The following KCNH2 variants were observed in gnomAD, a reference collection of about 807,000 sequenced individuals.
KCNH2 encodes the protein potassium voltage-gated channel subfamily H member 2.
A neutral mutation model predicts 95.9 loss-of-function variants in KCNH2; 35 were observed. The observed-to-expected ratio is 0.37, with a 90% CI of 0.28 to 0.48. The LOEUF (loss-of-function observed/expected upper bound fraction) is 0.48. Among genes scored for constraint, KCNH2 ranks in the 20% least tolerant of loss-of-function variants. KCNH2 has a pLI of 0.99. For missense variants in KCNH2, 1,274 were observed against 1,702.9 expected, an observed-to-expected ratio of 0.75 and a Z score of 4.43; for synonymous variants, 786 against 754.7, an observed-to-expected ratio of 1.04 and a Z score of -0.68.
chr7:150,955,794 C>T lies in KCNH2; in HGVS notation c.1128+1497G>A, dbSNP rs141096923. 6.2e-3 allele frequency: 7,271 copies of T among 1,167,854 alleles called. 328 individuals are homozygous for T. The African/African-American group carries it at 0.096, about 15-fold the overall frequency. 72.3% of individuals were successfully genotyped at this position (1,167,854 alleles called of 1,614,324 possible). ...CTCTGCCCGCCCGCCAGCCCAGCAG[C>T]GGCCGCACTCGGAACCTCAGCTCCT... is the stretch of plus-strand genomic sequence containing the variant. On this transcript the variant is annotated intron_variant, in intron 5 of 14. Transcript: ENST00000262186.
Position 150,958,141 on chromosome 7 carries a change from G to T in KCNH2, c.834C>A (p.Ser278Arg). ...ARTRSRESCASVRRASSADDI... is the reference protein window; with the variant it reads ...ARTRSRESCARVRRASSADDI... ...CGTCGGCCGACGAGGCGCGGCGCACGCTGGCGCAGCTTTCTCGGGAGCGCG... is the reference window on the plus strand; with the variant it reads ...CGTCGGCCGACGAGGCGCGGCGCACTCTGGCGCAGCTTTCTCGGGAGCGCG... The change falls in exon 4 of 15, where the codon AGC (serine) becomes AGA (arginine). Residue 278 changes from serine to arginine, a missense_variant. This residue lies in a region of KCNH2 where 392 missense variants were observed against 429.9 expected (regional missense o/e 0.91). Transcript: ENST00000262186. The T allele has an allele frequency of 7.6e-7, 1 of 1,320,352 alleles. No individual in the cohort carries two copies. Among genetic ancestry groups the T allele is most frequent in the South Asian group, 2.2e-5 (1 of 46,422 alleles). 81.8% of individuals were successfully genotyped at this position (1,320,352 alleles called of 1,614,324 possible).
At position 150,947,340 on chromosome 7, in the gene KCNH2, C is replaced by T. The variant is rs36210421; in HGVS notation, c.3140G>A (p.Arg1047His). 23 of 1,542,334 alleles carry T rather than the reference C, an allele frequency of 1.5e-5. No homozygotes were observed. Among genetic ancestry groups the T allele is most frequent in the African/African-American group, 6.8e-5 (5 of 73,016 alleles). Residue 1047 changes from arginine (R) to histidine (H), a missense_variant, in exon 13 of 15, where the codon CGC (arginine) becomes CAC (histidine). Physicochemically the swap from Arg to His is conservative, Grantham distance 29 (BLOSUM62 0). Coordinates refer to ENST00000262186, the MANE Select transcript of KCNH2 (RefSeq NM_000238.4). ...TGCACTCCCTCACCTGTTGAGCTGG[C>T]GCTGGAGGGCATCCAGCCTGCTCTC... Reference protein sequence around the residue: ...DVESRLDALQRQLNRLETRLS... With the variant: ...DVESRLDALQHQLNRLETRLS...
At position 150,945,610 on chromosome 7, in the gene KCNH2, G is replaced by T; in HGVS notation, c.3331-96C>A. The T allele has an allele frequency of 7.6e-7, 1 of 1,311,602 alleles. No homozygotes were observed. The highest frequency in any genetic ancestry group is 1.1e-6 in the Non-Finnish European group (1 of 930,618). The allele number at this position is 1,311,602 out of a possible 1,614,324, so 81.2% of individuals were successfully genotyped here. On this transcript the variant is annotated intron_variant, in intron 14 of 14. Transcript: ENST00000262186. The surrounding 1 kb of genome is among the most constrained non-coding windows in gnomAD (Gnocchi z 5.6). ...GAGAACCCGGGGACAGAGGATGGAC[G>T]GGAGGACAGGAGGGCCAAGAGGAGA...
intron 5 of KCNH2, among the ~76,000 whole-genome samples, chr7:150,953,342 G>A (rs534922255): frequency 3.9e-5 from 6 of 152,228 alleles, no homozygotes; most frequent in African/African-American, 1.2e-4. Context: ...TCATGCCACA[G>A]GCCCGAGGAC....
At chr7:150,953,484 A>G (rs893160454) in intron 5 of KCNH2, among the ~76,000 whole-genome samples, 21 of 152,134 alleles carry the variant, frequency 1.4e-4, no homozygotes, top group African/African-American at 5.1e-4. Flanking sequence ...TTACAAAGGG[A>G]CAAAGAAGAC....
In KCNH2 at chr7:150,958,509, G is replaced by A. The variant is rs146570628; in HGVS notation, c.473-7C>T. ...CGGAAGGTCTTGGCGCGGCCTGCGGGAGAGGAGAGGCACGTGGTCGTGGGG... is the reference window on the plus strand; with the variant it reads ...CGGAAGGTCTTGGCGCGGCCTGCGGAAGAGGAGAGGCACGTGGTCGTGGGG... On this transcript the variant is annotated splice_polypyrimidine_tract_variant and splice_region_variant and intron_variant, in intron 3 of 14. Transcript: ENST00000262186. 156 of 1,475,740 alleles carry A rather than the reference G, an allele frequency of 1.1e-4. No individual in the cohort carries two copies. Among genetic ancestry groups the A allele is most frequent in the East Asian group, 9.7e-4 (33 of 33,872 alleles). The allele number at this position is 1,475,740 out of a possible 1,614,324, so 91.4% of individuals were successfully genotyped here.
At position 150,958,163 on chromosome 7, in the gene KCNH2, C is replaced by T. The variant is rs794728361; in HGVS notation, c.812G>A (p.Arg271His). 3 of 1,334,982 alleles carry T rather than the reference C, an allele frequency of 2.2e-6. No homozygotes were observed. Among genetic ancestry groups the T allele is most frequent in the Admixed American group, 3.6e-5 (1 of 27,918 alleles). The allele number at this position is 1,334,982 out of a possible 1,614,324, so 82.7% of individuals were successfully genotyped here. The change falls in exon 4 of 15, where the codon CGC becomes CAC. Residue 271 changes from arginine (R) to histidine (H), a missense_variant. Arg to His is a conservative substitution (Grantham distance 29). Around this residue, in one of 7 missense-constraint regions of KCNH2, gnomAD observed 392 missense variants for 429.9 expected, o/e 0.91. Transcript: ENST00000262186. ...CACGCTGGCGCAGCTTTCTCGGGAG[C>T]GCGTCCGGGCCAGGCTGCAGCTGGA... ...SGSSCSLART[R>H]SRESCASVRR...
chr7:150,951,256 G>A (rs1161368972), intron 7 of KCNH2, 136 bp from the exon 8 acceptor site: 2 of 993,586 alleles, frequency 2.0e-6, no homozygotes, highest in African/African-American at 3.2e-5. Context: ...TTGTACATCT[G>A]CGCTCCAGCA....
intron 5 of KCNH2, among the ~76,000 whole-genome samples, chr7:150,954,417 C>T (rs1212394077): frequency 6.6e-6 from 1 of 152,204 alleles, no homozygotes; most frequent in African/African-American, 2.4e-5. Flanking sequence ...AGTGACCCTA[C>T]CCCTGAGTCT....
chr7:150,958,188 A>G lies in KCNH2; in HGVS notation c.787T>C (p.Ser263Pro). ...AHSLNPDASG[S>P]SCSLARTRSR... Reference sequence around the variant, plus strand: ...CGCGTCCGGGCCAGGCTGCAGCTGGAGCCCGAGGCGTCGGGGTTGAGGCTG... The same window carrying G: ...CGCGTCCGGGCCAGGCTGCAGCTGGGGCCCGAGGCGTCGGGGTTGAGGCTG... The change falls in exon 4 of 15, where the codon TCC becomes CCC. Residue 263 changes from serine (S) to proline (P), a missense_variant. Transcript: ENST00000262186. The G allele has an allele frequency of 7.4e-7, 1 of 1,359,804 alleles. No individual in the cohort carries two copies. The highest frequency in any genetic ancestry group is 1.8e-5 in the South Asian group (1 of 55,398). The allele number at this position is 1,359,804 out of a possible 1,614,324, so 84.2% of individuals were successfully genotyped here.
At chr7:150,973,223 CAT>C (rs1286957068) in intron 2 of KCNH2, among the ~76,000 whole-genome samples, 2 of 152,184 alleles carry the variant, frequency 1.3e-5, no homozygotes, top group Non-Finnish European at 2.9e-5. Flanking sequence ...TAAAATTTCA[CAT>C]GAGATAATGT....
chr7:150,947,098 G>C lies in KCNH2; in HGVS notation c.3153-44C>G, dbSNP rs75688212. Reference sequence around the variant, plus strand: ...GATGCTCAGAGAAGTGGGGACACCAGTGACAGCCTCCACCGGGAGTGGGGA... The same window carrying C: ...GATGCTCAGAGAAGTGGGGACACCACTGACAGCCTCCACCGGGAGTGGGGA... On this transcript the variant is annotated intron_variant, in intron 13 of 14. Coordinates refer to ENST00000262186, the MANE Select transcript of KCNH2 (RefSeq NM_000238.4). 2.4e-5 allele frequency: 34 copies of C among 1,405,940 alleles called. No homozygotes were observed. In the East Asian group the frequency reaches 8.7e-4, roughly 36 times the overall value. The allele number at this position is 1,405,940 out of a possible 1,614,324, so 87.1% of individuals were successfully genotyped here.
At chr7:150,948,604 C>A in intron 10 of KCNH2, 61 bp from the exon 11 acceptor site, 1 of 1,429,506 alleles carries the variant, frequency 7.0e-7, no homozygotes, top group Non-Finnish European at 9.9e-7. Context: ...GGGGTCAGGC[C>A]CCAAGCTCCC....
chr7:150,949,840 G>C lies in KCNH2; in HGVS notation c.2398+328C>G. 3 of 1,271,770 alleles carry C rather than the reference G, an allele frequency of 2.4e-6. No individual in the cohort carries two copies. In the South Asian group the frequency reaches 4.5e-5, roughly 19 times the overall value. 78.8% of individuals were successfully genotyped at this position (1,271,770 alleles called of 1,614,324 possible). ...ATGGCCCTTAGTGAAACCAAATGCC[G>C]AGCTTCCAGGCTAGCATTTCTTCCT... On this transcript the variant is annotated intron_variant, in intron 9 of 14. Coordinates refer to ENST00000262186, the MANE Select transcript of KCNH2 (RefSeq NM_000238.4).
intron 5 of KCNH2, chr7:150,955,497 C>CCGCCATGGAGGACTTGG: frequency 1.3e-6 from 2 of 1,547,298 alleles, no homozygotes; most frequent in Middle Eastern, 2.1e-4. Flanking sequence ...CCGGCTGGGG[C>CCGCCATGGAGGACTTGG]CGCCATGGAG....
intron 2 of KCNH2, among the ~76,000 whole-genome samples, chr7:150,964,413 G>C (rs1375341733): frequency 1.3e-5 from 2 of 152,108 alleles, no homozygotes; most frequent in Non-Finnish European, 2.9e-5. Context: ...GAAGGAGAGG[G>C]AACAAGCCAG....
intron 2 of KCNH2, among the ~76,000 whole-genome samples, chr7:150,960,728 C>T (rs1330603409): frequency 1.3e-5 from 2 of 152,184 alleles, no homozygotes; most frequent in Non-Finnish European, 2.9e-5. Flanking sequence ...GCGTTCCCCT[C>T]GATCCTTGAC....
rs984435722 is a variant in KCNH2, at chr7:150,961,293, A to C, written c.308-1557T>G. ...CACTCCATCTTAGCAACCCAGCCTC[A>C]CTTTTTTTTTTTTTTTTTTTCTGAG... On this transcript the variant is annotated intron_variant, in intron 2 of 14. Transcript: ENST00000262186. This position sits in a 1 kb window ranked among gnomAD's most constrained non-coding sequence, Gnocchi z 6.2. Among the ~76,000 whole-genome samples the C allele has an allele frequency of 1.3e-3, 166 of 129,000 alleles. 1 individual carries two copies. The highest frequency in any genetic ancestry group is 4.8e-3 in the African/African-American group (154 of 32,072). 84.6% of individuals were successfully genotyped at this position (129,000 alleles called of 152,430 possible). A position where few individuals can be genotyped will look rare whatever the true frequency, so the allele number is the denominator to read the frequency against.
At chr7:150,954,531 G>C (rs1009973270) in intron 5 of KCNH2, among the ~76,000 whole-genome samples, 1 of 152,232 alleles carries the variant, frequency 6.6e-6, no homozygotes, top group Non-Finnish European at 1.5e-5. Flanking sequence ...CTCACCTATG[G>C]CCTTGGGCCA....
Sources: allele counts gnomAD v4.1 joint callset (sites outside exome capture counted in the v4.1 genomes callset), GRCh38; gene constraint gnomAD v4.1.1; regional missense constraint gnomAD v4.1.1; non-coding constraint Gnocchi (gnomAD v3.1); transcripts MANE v1.5; gene names NCBI Gene and HGNC (gene_info 2026-07-23, HGNC 2026-07-21).